HSD17B12: variants seen among roughly 807,000 people sequenced by gnomAD.
The protein encoded by HSD17B12 is hydroxysteroid 17-beta dehydrogenase 12.
In HSD17B12, 32 loss-of-function variants were observed where a neutral mutation model predicts 39.3. The ratio of observed to expected loss-of-function variants is 0.81; its 90% confidence interval spans 0.61 to 1.09. The LOEUF is 1.09. Ranked by LOEUF, HSD17B12 falls within the 50% of genes least tolerant of loss-of-function variation. The probability of loss-of-function intolerance (pLI) is 0.00; values close to 1 mark genes in which losing one functional copy is unlikely to be tolerated. For missense variants in HSD17B12, 342 were observed against 382.9 expected (o/e 0.89, Z 0.89); for synonymous variants, 150 against 146.7 (o/e 1.02, Z -0.16).
At chr11:43,618,016 C>T in the HSD17B12 span, among the ~76,000 whole-genome samples, 1 of 152,152 alleles carries the variant, frequency 6.6e-6, no homozygotes, top group Non-Finnish European at 1.5e-5. Flanking sequence ...GGAAATGTAA[C>T]ATCTTACTTA....
intron 3 of HSD17B12, among the ~76,000 whole-genome samples, chr11:43,773,960 T>C (rs923973792): frequency 6.6e-6 from 1 of 152,202 alleles, no homozygotes; most frequent in African/African-American, 2.4e-5. Flanking sequence ...CTCTTTTCTG[T>C]TTCTGTTGTA....
rs117276297 is a variant in HSD17B12 at position 43,700,392 on chromosome 11, C to T, written c.160+19405C>T. On this transcript the variant is annotated intron_variant, in intron 1 of 10. Transcript: ENST00000278353. ...AAATGTACAATTAAGTTATTATTGACTACAGTCGCCACATTGTGCTGCTAT... is the reference window on the plus strand; with the variant it reads ...AAATGTACAATTAAGTTATTATTGATTACAGTCGCCACATTGTGCTGCTAT... Among the ~76,000 whole-genome samples, 240 of 152,146 alleles carry T rather than the reference C, an allele frequency of 1.6e-3. 2 individuals are homozygous for T. The East Asian group carries it at 0.034, about 22-fold the overall frequency.
chr11:43,583,717 T>C, the HSD17B12 span, among the ~76,000 whole-genome samples: 2 of 151,744 alleles, frequency 1.3e-5, no homozygotes, highest in Admixed American at 1.3e-4. Context: ...AAACTGCCGA[T>C]GCGCATCCCA....
chr11:43,766,909 C>G (rs563302027), intron 3 of HSD17B12, among the ~76,000 whole-genome samples: 2 of 152,136 alleles, frequency 1.3e-5, no homozygotes, highest in African/African-American at 4.8e-5. Flanking sequence ...TGTTACCAGT[C>G]GTTTACTCTG....
chr11:43,820,197 C>G (rs1188141826), intron 6 of HSD17B12, among the ~76,000 whole-genome samples: 3 of 152,118 alleles, frequency 2.0e-5, no homozygotes, highest in South Asian at 4.1e-4. Context: ...GTGCTGTGCT[C>G]AACAGGCTAG....
At chr11:43,744,445 G>A (rs1950396088) in intron 1 of HSD17B12, among the ~76,000 whole-genome samples, 1 of 152,148 alleles carries the variant, frequency 6.6e-6, no homozygotes, top group Non-Finnish European at 1.5e-5. Context: ...ACAACGGAGA[G>A]TTGTCTAAAA....
the HSD17B12 span, among the ~76,000 whole-genome samples, chr11:43,580,196 A>AAGAGGGAGGGAGGG: frequency 6.6e-6 from 1 of 151,044 alleles, no homozygotes; most frequent in African/African-American, 2.4e-5. Flanking sequence ...GGGAGGGAGG[A>AAGAGGGAGGGAGGG]AGAGGGAGGG....
upstream of HSD17B12, among the ~76,000 whole-genome samples, chr11:43,679,700 G>T (rs536704058): frequency 2.0e-5 from 3 of 152,290 alleles, no homozygotes; most frequent in East Asian, 5.8e-4. Flanking sequence ...TAATTGTTCA[G>T]CAAGCTGTGT....
chr11:43,680,077 T>C (rs1188793341), upstream of HSD17B12, among the ~76,000 whole-genome samples: 5 of 151,940 alleles, frequency 3.3e-5, no homozygotes, highest in Non-Finnish European at 5.9e-5. Flanking sequence ...TTTTCTTTTT[T>C]TTTTTGTTTT....
At chr11:43,579,779 T>G in the HSD17B12 span, among the ~76,000 whole-genome samples, 1 of 151,124 alleles carries the variant, frequency 6.6e-6, no homozygotes, top group Non-Finnish European at 1.5e-5. Context: ...GGGTGATGGA[T>G]GGGCGAAGGG....
intron 6 of HSD17B12, among the ~76,000 whole-genome samples, chr11:43,826,013 T>C (rs538016781): frequency 1.3e-5 from 2 of 152,302 alleles, no homozygotes; most frequent in Non-Finnish European, 2.9e-5. Flanking sequence ...TATTGGAAAC[T>C]CTTAGCATAC....
At position 43,690,388 on chromosome 11, in the gene HSD17B12, A is replaced by ATTTTTTTTTTTTTTTTTTTT. The variant is rs1232125962; in HGVS notation, c.160+9402_160+9403insTTTTTTTTTTTTTTTTTTTT. 1.7e-4 allele frequency among the ~76,000 whole-genome samples: 2 copies of ATTTTTTTTTTTTTTTTTTTT among 11,794 alleles called. 1 individual carries two copies. Among genetic ancestry groups the ATTTTTTTTTTTTTTTTTTTT allele is most frequent in the Non-Finnish European group, 2.8e-4 (2 of 7,022 alleles). 7.7% of individuals were successfully genotyped at this position (11,794 alleles called of 152,430 possible). On this transcript the variant is annotated intron_variant, in intron 1 of 10. Transcript: ENST00000278353. The stretch of plus-strand genomic sequence containing the variant: ...TATATATATATATATATATATATAT[A>ATTTTTTTTTTTTTTTTTTTT]TATATATATATATATATTTTTTTTT...
the HSD17B12 span, among the ~76,000 whole-genome samples, chr11:43,660,238 C>T: frequency 1.3e-5 from 2 of 152,188 alleles, no homozygotes; most frequent in Non-Finnish European, 2.9e-5. Flanking sequence ...TGAAGGACTT[C>T]CTCTCTCATG....
At position 43,690,402 on chromosome 11, in the gene HSD17B12, A is replaced by ATT. The variant is rs1454701982; in HGVS notation, c.160+9416_160+9417insTT. 2.0e-3 allele frequency among the ~76,000 whole-genome samples: 52 copies of ATT among 26,202 alleles called. 1 individual carries two copies. Among genetic ancestry groups the ATT allele is most frequent in the Non-Finnish European group, 2.3e-3 (37 of 16,224 alleles). The allele number at this position is 26,202 out of a possible 152,430, so 17.2% of individuals were successfully genotyped here. ...TATATATATATATATATATATATAT[A>ATT]TATTTTTTTTTTTTTTTTTCTGAGA... On this transcript the variant is annotated intron_variant, in intron 1 of 10. Coordinates refer to ENST00000278353, the MANE Select transcript of HSD17B12 (RefSeq NM_016142.3).
the HSD17B12 span, among the ~76,000 whole-genome samples, chr11:43,607,277 T>TGA: frequency 1.1e-5 from 1 of 95,060 alleles, no homozygotes; most frequent in African/African-American, 3.9e-5. Context: ...CGTGTGCTCC[T>TGA]GAGTGTGTGT....
At chr11:43,842,365 C>T (rs893188322) in intron 9 of HSD17B12, among the ~76,000 whole-genome samples, 2 of 152,140 alleles carry the variant, frequency 1.3e-5, no homozygotes, top group Non-Finnish European at 2.9e-5. Flanking sequence ...CATCTAAGAG[C>T]CTGCTTCCTC....
intron 1 of HSD17B12, chr11:43,719,141 A>G (rs748471334): frequency 5.3e-6 from 4 of 758,498 alleles, no homozygotes; most frequent in Admixed American, 1.7e-5. Flanking sequence ...AATTGGGATC[A>G]TCTAAACTTA....
chr11:43,586,210 G>A, the HSD17B12 span, among the ~76,000 whole-genome samples: 3 of 152,168 alleles, frequency 2.0e-5, no homozygotes, highest in South Asian at 4.1e-4. Context: ...ACACCCCAGG[G>A]TTCAAAGAAG....
chr11:43,720,499 T>G (rs958758396), intron 1 of HSD17B12, among the ~76,000 whole-genome samples: 1 of 152,230 alleles, frequency 6.6e-6, no homozygotes, highest in Non-Finnish European at 1.5e-5. Context: ...CTTCTGGCCT[T>G]TGCTAACAAC....
Sources: allele counts gnomAD v4.1 joint callset (sites outside exome capture counted in the v4.1 genomes callset), GRCh38; gene constraint gnomAD v4.1.1; transcripts MANE v1.5; gene names NCBI Gene and HGNC (gene_info 2026-07-23, HGNC 2026-07-21).